PM20D2: variants seen among roughly 807,000 people sequenced by gnomAD.
PM20D2 encodes peptidase M20 domain containing 2.
A neutral mutation model predicts 42.9 loss-of-function variants in PM20D2; 33 were observed. That is an observed-to-expected ratio of 0.77 (90% CI 0.58 to 1.03). The LOEUF is 1.03. Ranked by LOEUF, PM20D2 falls within the 50% of genes least tolerant of loss-of-function variation. The probability of loss-of-function intolerance (pLI) is 0.00; values close to 1 mark genes in which losing one functional copy is unlikely to be tolerated. For missense variants in PM20D2, 548 were observed against 557.0 expected, an observed-to-expected ratio of 0.98 and a Z score of 0.16; for synonymous variants, 250 against 228.2, an observed-to-expected ratio of 1.10 and a Z score of -0.86.
the PM20D2 span, chr6:89,098,824 T>G: frequency 6.2e-7 from 1 of 1,614,016 alleles, no homozygotes. Context: ...ACTTGGACCT[T>G]GACCGTCCTC....
the PM20D2 span, among the ~76,000 whole-genome samples, chr6:89,131,786 G>A: frequency 3.3e-4 from 50 of 152,244 alleles, no homozygotes; most frequent in South Asian, 1.2e-3. Context: ...TGGAACTGTC[G>A]CTGGATGACA....
At chr6:89,118,403 G>C in the PM20D2 span, among the ~76,000 whole-genome samples, 2 of 152,218 alleles carry the variant, frequency 1.3e-5, no homozygotes, top group African/African-American at 4.8e-5. Flanking sequence ...CGTCCTGAGC[G>C]CAGGACCTTG....
rs1770569325 is a variant in PM20D2, at chr6:89,146,576, A to G, written c.432A>G (p.Leu144=). The change falls in exon 1 of 7, where the codon TTA becomes TTG. Residue 144 remains leucine (L), a synonymous_variant. Coordinates refer to ENST00000275072, the MANE Select transcript of PM20D2 (RefSeq NM_001010853.3). The part of the protein sequence containing the change: ...AAAALGVRGA[L]EGLPRPPPPV... ...CCGCGCTGGGCGTGAGGGGGGCCTT[A>G]GAGGGCCTCCCCAGGCCGCCTCCGC... 1.1e-5 allele frequency: 16 copies of G among 1,481,922 alleles called. No homozygotes were observed. Among genetic ancestry groups the G allele is most frequent in the Non-Finnish European group, 1.2e-5 (14 of 1,122,746 alleles). 91.8% of individuals were successfully genotyped at this position (1,481,922 alleles called of 1,614,324 possible). A position where few individuals can be genotyped will look rare whatever the true frequency, so the allele number is the denominator to read the frequency against.
rs750380880 is a variant in PM20D2 at position 89,153,075 on chromosome 6, A to ATTCT, written c.648_651dup (p.Ala218PhefsTer20). 4 of 1,606,022 alleles carry ATTCT rather than the reference A, an allele frequency of 2.5e-6. No homozygotes were observed. In the South Asian group the frequency reaches 4.4e-5, roughly 18 times the overall value. On this transcript the variant is annotated frameshift_variant, in exon 3 of 7. Transcript: ENST00000275072. LOFTEE classifies it high-confidence loss of function. ...GTGAAATACTATGGAAAAGCATCTC[A>ATTCT]TTCTGCTTCTTATCCCTGGGAAGGA...
At chr6:89,097,915 T>C in the PM20D2 span, 1 of 152,186 alleles carries the variant, frequency 6.6e-6, no homozygotes, top group Non-Finnish European at 1.5e-5. Flanking sequence ...AATCCAGTAT[T>C]TCTCAAAAGT....
At chr6:89,152,400 C>T (rs1770882123) in intron 2 of PM20D2, among the ~76,000 whole-genome samples, 1 of 151,986 alleles carries the variant, frequency 6.6e-6, no homozygotes, top group African/African-American at 2.4e-5. Context: ...AACACGCAAT[C>T]CTTTCTCTAA....
In PM20D2 at chr6:89,153,834, T is replaced by G. The variant is rs147421286; in HGVS notation, c.757+649T>G. Among the ~76,000 whole-genome samples the G allele has an allele frequency of 3.7e-3, 566 of 152,278 alleles. 7 individuals carry two copies. The highest frequency in any genetic ancestry group is 0.013 in the African/African-American group (531 of 41,568). On this transcript the variant is annotated intron_variant, in intron 3 of 6. Coordinates refer to ENST00000275072, the MANE Select transcript of PM20D2 (RefSeq NM_001010853.3). ...CCAGGCTGGTCTCAAACTCCTGGCCTTAAGTGATCTGCCCACCTCAGCCTC... is the reference window on the plus strand; with the variant it reads ...CCAGGCTGGTCTCAAACTCCTGGCCGTAAGTGATCTGCCCACCTCAGCCTC...
At chr6:89,129,702 T>A in the PM20D2 span, among the ~76,000 whole-genome samples, 1 of 149,052 alleles carries the variant, frequency 6.7e-6, no homozygotes, top group Non-Finnish European at 1.5e-5. Flanking sequence ...CAAGCAGTCC[T>A]CCCACCTCAG....
the PM20D2 span, among the ~76,000 whole-genome samples, chr6:89,125,315 CT>C: frequency 6.6e-6 from 1 of 152,046 alleles, no homozygotes. Context: ...TCCGTCTCTA[CT>C]AAAAATACAA....
chr6:89,153,574 C>T lies in PM20D2; in HGVS notation c.757+389C>T, dbSNP rs75282979. On this transcript the variant is annotated intron_variant, in intron 3 of 6. Transcript: ENST00000275072. ...AATAACTGCTAGTTTTATTTAAGTG[C>T]TGTTAGTCCTGAGTAATATCTTTTT... 4.7e-3 allele frequency among the ~76,000 whole-genome samples: 711 copies of T among 152,012 alleles called. 2 individuals are homozygous for T. The highest frequency in any genetic ancestry group is 0.016 in the African/African-American group (684 of 41,464).
rs943602874 is a variant in PM20D2 at position 89,146,465 on chromosome 6, C to T, written c.321C>T (p.His107=). Residue 107 remains histidine, a synonymous_variant, in exon 1 of 7, where the codon CAC becomes CAT. Coordinates refer to ENST00000275072, the MANE Select transcript of PM20D2 (RefSeq NM_001010853.3). ...CGAGCGCCACGCCACGCCCGCTGCA[C>T]CTGGGCTTCCTCTGCGAGTACGACG... is the stretch of plus-strand genomic sequence containing the variant. ...RAPSATPRPL[H]LGFLCEYDAL... 15 of 1,523,846 alleles carry T rather than the reference C, an allele frequency of 9.8e-6. No individual in the cohort carries two copies. Among genetic ancestry groups the T allele is most frequent in the African/African-American group, 1.4e-5 (1 of 70,712 alleles). The allele number at this position is 1,523,846 out of a possible 1,614,324, so 94.4% of individuals were successfully genotyped here.
chr6:89,148,452 ATTGT>A (rs1343241821), intron 1 of PM20D2: 2 of 693,736 alleles, frequency 2.9e-6, no homozygotes, highest in African/African-American at 3.9e-5. Context: ...GATTTTTAAA[ATTGT>A]TTGAAGCAGT....
chr6:89,153,089 C>T lies in PM20D2; in HGVS notation c.661C>T (p.Pro221Ser). 1.9e-6 allele frequency: 3 copies of T among 1,608,918 alleles called. No homozygotes were observed. Among genetic ancestry groups the T allele is most frequent in the Non-Finnish European group, 2.6e-6 (3 of 1,176,232 alleles). Residue 221 changes from proline (P) to serine (S), a missense_variant, in exon 3 of 7, where the codon CCC (proline) becomes TCC (serine). Transcript: ENST00000275072. ...YGKASHSASY[P>S]WEGLNALDAA... ...AAAAGCATCTCATTCTGCTTCTTAT[C>T]CCTGGGAAGGATTAAATGCATTAGA...
At position 89,162,311 on chromosome 6, in the gene PM20D2, C is replaced by G. The variant is rs763208716; in HGVS notation, c.*48C>G. 6.6e-7 allele frequency: 1 copy of G among 1,503,858 alleles called. No individual in the cohort carries two copies. Among genetic ancestry groups the G allele is most frequent in the East Asian group, 2.3e-5 (1 of 43,912 alleles). The allele number at this position is 1,503,858 out of a possible 1,614,324, so 93.2% of individuals were successfully genotyped here. A position where few individuals can be genotyped will look rare whatever the true frequency, so the allele number is the denominator to read the frequency against. ...ATCAAGAAGACGTGATGATTTTTTT[C>G]TTTTAATCTCTTTTAATGAAGGCAT... On this transcript the variant is annotated 3_prime_UTR_variant, in exon 7 of 7. Transcript: ENST00000275072.
intron 2 of PM20D2, among the ~76,000 whole-genome samples, chr6:89,151,311 G>T (rs916543661): frequency 6.7e-6 from 1 of 149,672 alleles, no homozygotes; most frequent in Non-Finnish European, 1.5e-5. Flanking sequence ...GCTCACTGCA[G>T]CTTCCGCCTC....
At chr6:89,131,815 C>T in the PM20D2 span, among the ~76,000 whole-genome samples, 1 of 152,316 alleles carries the variant, frequency 6.6e-6, no homozygotes, top group African/African-American at 2.4e-5. Context: ...ATTCCTGCCA[C>T]AGCCTCTAGC....
chr6:89,128,379 C>T, the PM20D2 span, among the ~76,000 whole-genome samples: 1 of 152,132 alleles, frequency 6.6e-6, no homozygotes, highest in Non-Finnish European at 1.5e-5. Flanking sequence ...AAACTCCACC[C>T]TGGTAAATTT....
the PM20D2 span, among the ~76,000 whole-genome samples, chr6:89,115,631 CTTTTTTTTTTTTTTTT>C: frequency 3.3e-4 from 42 of 129,006 alleles, no homozygotes; most frequent in Non-Finnish European, 4.8e-5. Context: ...TTTTTTCTTT[CTTTTTTTTTTTTTTTT>C]TTTTTTGAGA....
At chr6:89,143,214 G>T (rs1202042079), upstream of PM20D2, among the ~76,000 whole-genome samples, 1 of 152,106 alleles carries the variant, frequency 6.6e-6, no homozygotes, top group Non-Finnish European at 1.5e-5. Context: ...AAAGCCTGCT[G>T]CCTTTTCAAA....
Sources: allele counts gnomAD v4.1 joint callset (sites outside exome capture counted in the v4.1 genomes callset), GRCh38; gene constraint gnomAD v4.1.1; transcripts MANE v1.5; gene names NCBI Gene and HGNC (gene_info 2026-07-23, HGNC 2026-07-21).